Variants in PAX9 observed in about 807,000 individuals in gnomAD.
The protein encoded by PAX9 is paired box protein Pax-9.
A neutral mutation model predicts 29.1 loss-of-function variants in PAX9; 6 were observed. The observed-to-expected ratio is 0.21, with a 90% CI of 0.11 to 0.41. PAX9 has a LOEUF of 0.41. Among genes scored for constraint, PAX9 ranks in the 10% least tolerant of loss-of-function variants. The probability of loss-of-function intolerance (pLI) is 1.00; values close to 1 mark genes in which losing one functional copy is unlikely to be tolerated. For missense variants in PAX9, 443 were observed against 479.1 expected, an observed-to-expected ratio of 0.92 and a Z score of 0.70; for synonymous variants, 217 against 211.7, an observed-to-expected ratio of 1.03 and a Z score of -0.22.
At chr14:36,674,790 G>T (rs1005044376) in intron 3 of PAX9, among the ~76,000 whole-genome samples, 2 of 152,096 alleles carry the variant, frequency 1.3e-5, no homozygotes, top group African/African-American at 4.8e-5. Context: ...ACAACATGAG[G>T]TGTTTGTTCT....
At chr14:36,674,161 G>C (rs1881797806) in intron 3 of PAX9, among the ~76,000 whole-genome samples, 2 of 152,182 alleles carry the variant, frequency 1.3e-5, no homozygotes, top group African/African-American at 4.8e-5. Context: ...CTTAAAGTGT[G>C]TCTCCTTTGA....
intron 3 of PAX9, chr14:36,672,103 T>C (rs933843880): frequency 6.6e-6 from 1 of 152,222 alleles, no homozygotes; most frequent in African/African-American, 2.4e-5. Flanking sequence ...ATTTATGGAA[T>C]CTTTAGGTAA....
At chr14:36,659,504 C>T (rs1355723610), upstream of PAX9, among the ~76,000 whole-genome samples, 1 of 152,172 alleles carries the variant, frequency 6.6e-6, no homozygotes, top group African/African-American at 2.4e-5. Context: ...CGGCTTGCCG[C>T]GGATACTTAG....
At chr14:36,673,441 C>A (rs1289619991) in intron 3 of PAX9, among the ~76,000 whole-genome samples, 1 of 152,028 alleles carries the variant, frequency 6.6e-6, no homozygotes, top group African/African-American at 2.4e-5. Context: ...TTAATACAGG[C>A]CTAAATCCAA....
rs1318622063 is a variant in PAX9 at position 36,676,803 on chromosome 14, T to C, written c.*351T>C. On this transcript the variant is annotated 3_prime_UTR_variant, in exon 4 of 4. Coordinates refer to ENST00000361487, the MANE Select transcript of PAX9 (RefSeq NM_001372076.1). ...AGTCTTTGGTAAAACCACATGTGTA[T>C]ATTTATTCTAAATCAACCTGAACTT... 1.6e-4 allele frequency: 48 copies of C among 302,732 alleles called. No individual in the cohort carries two copies. The highest frequency in any genetic ancestry group is 4.4e-5 in the Non-Finnish European group (7 of 157,426). The allele number at this position is 302,732 out of a possible 1,614,324, so 18.8% of individuals were successfully genotyped here.
rs933310570 is a variant in PAX9, at chr14:36,678,355, C to T, written c.*1903C>T. 32 of 825,770 alleles carry T rather than the reference C, an allele frequency of 3.9e-5. No individual in the cohort carries two copies. The highest frequency in any genetic ancestry group is 5.3e-5 in the East Asian group (2 of 37,478). The allele number at this position is 825,770 out of a possible 1,614,324, so 51.2% of individuals were successfully genotyped here. On this transcript the variant is annotated 3_prime_UTR_variant, in exon 4 of 4. Transcript: ENST00000361487. ...GAACTGCATTTATTTCTAAAGCAAC[C>T]GAAATTCAGTGCTACAAATAGAGGA... is the stretch of plus-strand genomic sequence containing the variant.
chr14:36,662,946 G>T lies in PAX9; in HGVS notation c.54G>T (p.Gly18=). ...AGCTGGGAGGAGTGTTCGTGAACGG[G>T]AGGCCGCTGCCCAACGCCATCCGGC... ...VNQLGGVFVN[G]RPLPNAIRLR... Residue 18 remains glycine, a synonymous_variant, in exon 2 of 4, where the codon GGG becomes GGT. Transcript: ENST00000361487. 2 of 1,613,196 alleles carry T rather than the reference G, an allele frequency of 1.2e-6. No individual in the cohort carries two copies. The highest frequency in any genetic ancestry group is 1.7e-6 in the Non-Finnish European group (2 of 1,179,794).
At chr14:36,660,537 T>C (rs1669715497), upstream of PAX9, among the ~76,000 whole-genome samples, 1 of 152,352 alleles carries the variant, frequency 6.6e-6, no homozygotes, top group South Asian at 2.1e-4. Context: ...TGGCTGATCA[T>C]AGTTTTTTCC....
chr14:36,666,373 C>T, intron 2 of PAX9, 89 bp from the exon 3 acceptor site: 1 of 1,519,284 alleles, frequency 6.6e-7, no homozygotes, highest in Admixed American at 2.0e-5. Flanking sequence ...CTAAGCCCTC[C>T]AGCTCTCCGT....
intron 3 of PAX9, among the ~76,000 whole-genome samples, chr14:36,669,508 TG>T (rs1250561539): frequency 6.6e-6 from 1 of 152,168 alleles, no homozygotes; most frequent in African/African-American, 2.4e-5. Flanking sequence ...CAAAATTATA[TG>T]ATACTAGTTT....
At chr14:36,666,783 C>A (rs974204609) in intron 3 of PAX9, among the ~76,000 whole-genome samples, 182 bp downstream of exon 3, 3 of 152,194 alleles carry the variant, frequency 2.0e-5, no homozygotes, top group South Asian at 2.1e-4. Context: ...CCTTGGAAGG[C>A]GGAGCTGGGG....
rs894082489 is a variant in PAX9 at position 36,678,778 on chromosome 14, A to T, written c.*2326A>T. ...TGGTTCTTGTATTTTAAAAAATCTA[A>T]TATTAATGGTATTGAAGTTTCCTTT... On this transcript the variant is annotated 3_prime_UTR_variant, in exon 4 of 4. Coordinates refer to ENST00000361487, the MANE Select transcript of PAX9 (RefSeq NM_001372076.1). 1 of 1,061,620 alleles carries T rather than the reference A, an allele frequency of 9.4e-7. No individual in the cohort carries two copies. The highest frequency in any genetic ancestry group is 4.8e-5 in the Admixed American group (1 of 20,962). 65.8% of individuals were successfully genotyped at this position (1,061,620 alleles called of 1,614,324 possible). A position where few individuals can be genotyped will look rare whatever the true frequency, so the allele number is the denominator to read the frequency against.
chr14:36,678,976 A>ATAT lies in PAX9; in HGVS notation c.*2526_*2528dup. 1 of 982,192 alleles carries ATAT rather than the reference A, an allele frequency of 1.0e-6. No homozygotes were observed. The highest frequency in any genetic ancestry group is 1.2e-6 in the Non-Finnish European group (1 of 827,716). The allele number at this position is 982,192 out of a possible 1,614,324, so 60.8% of individuals were successfully genotyped here. On this transcript the variant is annotated 3_prime_UTR_variant, in exon 4 of 4. Transcript: ENST00000361487. ...AAGATTATTATTGGTTAATGTTGACATATTTCCTCTATCTCATAGATGGTA... is the reference window on the plus strand; with the variant it reads ...AAGATTATTATTGGTTAATGTTGACATATTATTTCCTCTATCTCATAGATGGTA...
At position 36,662,917 on chromosome 14, in the gene PAX9, A is replaced by G. The variant is rs1468664204; in HGVS notation, c.25A>G (p.Asn9Asp). 6.2e-7 allele frequency: 1 copy of G among 1,612,126 alleles called. No individual in the cohort carries two copies. MEPAFGEV[N>D]QLGGVFVNGR... ...TGCAGAGCCAGCCTTCGGGGAGGTG[A>G]ACCAGCTGGGAGGAGTGTTCGTGAA... is the stretch of plus-strand genomic sequence containing the variant. Residue 9 changes from asparagine (N) to aspartate (D), a missense_variant, in exon 2 of 4, where the codon AAC (asparagine) becomes GAC (aspartate). Transcript: ENST00000361487.
chr14:36,664,842 G>A (rs750076392), intron 2 of PAX9, among the ~76,000 whole-genome samples: 4 of 152,030 alleles, frequency 2.6e-5, no homozygotes, highest in Non-Finnish European at 5.9e-5. Flanking sequence ...CTTGTTTTCT[G>A]ACTGCAAGTT....
intron 3 of PAX9, among the ~76,000 whole-genome samples, chr14:36,674,277 G>T (rs1023473114): frequency 6.6e-6 from 1 of 152,192 alleles, no homozygotes; most frequent in Admixed American, 6.5e-5. Flanking sequence ...GTTACCAGAT[G>T]TTATCTCAAA....
At chr14:36,672,852 C>CTTTTCTTTTTTTTTT (rs1881740279) in intron 3 of PAX9, among the ~76,000 whole-genome samples, 1 of 19,146 alleles carries the variant, frequency 5.2e-5, no homozygotes. Context: ...TTCTTTCTTC[C>CTTTTCTTTTTTTTTT]TTTTTTTTTT....
Position 36,676,507 on chromosome 14 carries a change from T to TC in PAX9, c.*60dup, listed in dbSNP as rs1180168732. 6.3e-7 allele frequency: 1 copy of TC among 1,594,910 alleles called. No individual in the cohort carries two copies. The highest frequency in any genetic ancestry group is 8.5e-7 in the Non-Finnish European group (1 of 1,174,792). ...CGGGTCTCCCTGTCTCAGCACCTCC[T>TC]CCCCCAATTCCCAGGTCTCACATCC... is the stretch of plus-strand genomic sequence containing the variant. On this transcript the variant is annotated 3_prime_UTR_variant, in exon 4 of 4. Coordinates refer to ENST00000361487, the MANE Select transcript of PAX9 (RefSeq NM_001372076.1).
At chr14:36,671,068 T>G (rs1002043062) in intron 3 of PAX9, 3 of 438,428 alleles carry the variant, frequency 6.8e-6, no homozygotes, top group African/African-American at 4.1e-5. Flanking sequence ...TTTTTCTTGC[T>G]TATGATATCG....
Sources: allele counts gnomAD v4.1 joint callset (sites outside exome capture counted in the v4.1 genomes callset), GRCh38; gene constraint gnomAD v4.1.1; transcripts MANE v1.5; gene names NCBI Gene and HGNC (gene_info 2026-07-23, HGNC 2026-07-21).